The following DPP10 variants were observed in gnomAD, a reference collection of about 807,000 sequenced individuals.
DPP10 encodes the protein inactive dipeptidyl peptidase 10.
Under a neutral mutation model 120.9 loss-of-function variants are expected in DPP10, and 33 were observed. The ratio of observed to expected loss-of-function variants is 0.27; its 90% CI spans 0.21 to 0.37. DPP10 has a LOEUF of 0.37. DPP10 is among the 10% of genes least tolerant of loss of function. The probability of loss-of-function intolerance (pLI) is 1.00; values close to 1 mark genes in which losing one functional copy is unlikely to be tolerated. For missense variants in DPP10, 816 were observed against 942.8 expected, an observed-to-expected ratio of 0.87 and a Z score of 1.76; for synonymous variants, 337 against 326.1, an observed-to-expected ratio of 1.03 and a Z score of -0.36.
At chr2:114,997,004 T>A (rs886666130) in intron 1 of DPP10, among the ~76,000 whole-genome samples, 6 of 150,584 alleles carry the variant, frequency 4.0e-5, no homozygotes, top group Non-Finnish European at 7.4e-5. Context: ...AAAAAAAGAT[T>A]TGTTGTCATA....
At chr2:115,424,029 G>A (rs1377987287) in intron 3 of DPP10, among the ~76,000 whole-genome samples, 1 of 152,090 alleles carries the variant, frequency 6.6e-6, no homozygotes, top group Non-Finnish European at 1.5e-5. Context: ...TACCAGAATT[G>A]TTGTTGGAAT....
chr2:114,769,637 G>C (rs893932057), intron 1 of DPP10, among the ~76,000 whole-genome samples: 2 of 152,120 alleles, frequency 1.3e-5, no homozygotes, highest in African/African-American at 4.8e-5. Context: ...ATTTTCAGTA[G>C]GTCAAATGTG....
intron 3 of DPP10, among the ~76,000 whole-genome samples, chr2:115,491,762 A>C (rs1010870247): frequency 2.0e-5 from 3 of 152,092 alleles, no homozygotes; most frequent in African/African-American, 7.2e-5. Flanking sequence ...GGTGGCTTTT[A>C]TTAGGTTGAA....
intron 1 of DPP10, among the ~76,000 whole-genome samples, chr2:114,738,372 G>A (rs1004533922): frequency 7.9e-5 from 12 of 152,168 alleles, no homozygotes; most frequent in African/African-American, 2.9e-4. Context: ...GAGCCTGAGT[G>A]CACTTTACCC....
At chr2:115,009,586 G>GAA (rs112056191) in intron 1 of DPP10, among the ~76,000 whole-genome samples, 3 of 126,730 alleles carry the variant, frequency 2.4e-5, no homozygotes, top group African/African-American at 5.6e-5. Context: ...AATAATAAAA[G>GAA]AAAAAAAAAA....
At chr2:115,801,421 C>T (rs576409747) in intron 19 of DPP10, among the ~76,000 whole-genome samples, 2 of 152,230 alleles carry the variant, frequency 1.3e-5, no homozygotes, top group South Asian at 4.1e-4. Context: ...ATTGAATACC[C>T]TTTATTCCTT....
chr2:114,461,577 A>G (rs1031277618), intron 1 of DPP10: 2 of 985,122 alleles, frequency 2.0e-6, no homozygotes, highest in Non-Finnish European at 1.2e-6. Flanking sequence ...CCTCTTTATC[A>G]TATTGCATTA....
intron 5 of DPP10, among the ~76,000 whole-genome samples, chr2:115,573,189 G>A (rs1450728493): frequency 1.3e-5 from 2 of 151,722 alleles, no homozygotes; most frequent in African/African-American, 2.4e-5. Context: ...ATTGAACAGA[G>A]ATGTAAAGGG....
chr2:115,682,231 G>A (rs905421684), intron 5 of DPP10, among the ~76,000 whole-genome samples: 1 of 151,928 alleles, frequency 6.6e-6, no homozygotes. Context: ...TATCAAACCA[G>A]ATATTTTCAA....
chr2:115,614,016 C>T (rs1256551171), intron 5 of DPP10, among the ~76,000 whole-genome samples: 1 of 152,152 alleles, frequency 6.6e-6, no homozygotes, highest in Non-Finnish European at 1.5e-5. Flanking sequence ...ACCAATAATT[C>T]TGTAGACTGC....
intron 3 of DPP10, among the ~76,000 whole-genome samples, chr2:115,445,647 T>C (rs968241025): frequency 2.6e-5 from 4 of 152,124 alleles, no homozygotes; most frequent in Admixed American, 1.3e-4. Context: ...GTGGAAGAAA[T>C]TTCTAAGCGG....
intron 3 of DPP10, among the ~76,000 whole-genome samples, chr2:115,380,343 A>C (rs1232137406): frequency 5.9e-5 from 9 of 152,024 alleles, no homozygotes; most frequent in Admixed American, 5.9e-4. Context: ...TGTTGGTTTA[A>C]AGTATGTTTT....
chr2:115,285,671 T>G (rs1330380034), intron 1 of DPP10, among the ~76,000 whole-genome samples: 1 of 152,076 alleles, frequency 6.6e-6, no homozygotes, highest in East Asian at 1.9e-4. Flanking sequence ...TGGCTTTCTC[T>G]TTTTGCTAAG....
At chr2:115,647,199 A>G (rs565277473) in intron 5 of DPP10, among the ~76,000 whole-genome samples, 13 of 152,312 alleles carry the variant, frequency 8.5e-5, no homozygotes, top group African/African-American at 2.9e-4. Flanking sequence ...AATCAAAGGA[A>G]GAAGACCGGC....
intron 1 of DPP10, among the ~76,000 whole-genome samples, chr2:115,172,406 C>A (rs2053418320): frequency 6.6e-6 from 1 of 151,664 alleles, no homozygotes; most frequent in East Asian, 1.9e-4. Context: ...AAAGCTATTT[C>A]CAGAAGCTGA....
chr2:115,762,549 T>C (rs112270288), intron 11 of DPP10, 23 bp from the exon 12 acceptor site: 2 of 1,613,464 alleles, frequency 1.2e-6, no homozygotes, highest in Non-Finnish European at 1.7e-6. Flanking sequence ...AGATGCTTCA[T>C]GGAGTTAATT....
intron 1 of DPP10, among the ~76,000 whole-genome samples, chr2:114,872,347 A>G (rs7592007): frequency 0.015 from 2,249 of 152,220 alleles, 28 homozygotes; most frequent in Non-Finnish European, 0.025. Context: ...CTATCACAAG[A>G]ACAGCATAGG....
intron 1 of DPP10, among the ~76,000 whole-genome samples, chr2:114,852,151 C>CTTTTTTTTTTTTTTT (rs34580352): frequency 3.7e-5 from 2 of 53,726 alleles, no homozygotes; most frequent in Non-Finnish European, 3.2e-5. Flanking sequence ...CGATTGCATC[C>CTTTTTTTTTTTTTTT]TTTTTTTTTT....
chr2:115,537,283 A>T (rs762510773), intron 5 of DPP10, among the ~76,000 whole-genome samples: 3 of 151,994 alleles, frequency 2.0e-5, no homozygotes, highest in Non-Finnish European at 4.4e-5. Flanking sequence ...CTATCATGAG[A>T]TAAGTATCTA....
Sources: allele counts gnomAD v4.1 joint callset (sites outside exome capture counted in the v4.1 genomes callset), GRCh38; gene constraint gnomAD v4.1.1; transcripts MANE v1.5; gene names NCBI Gene and HGNC (gene_info 2026-07-23, HGNC 2026-07-21).